Variants in PPARGC1A observed in about 807,000 individuals in gnomAD.
The protein encoded by PPARGC1A is peroxisome proliferator-activated receptor gamma coactivator 1-alpha.
PPARGC1A carries 25 observed loss-of-function variants against 88.7 expected under a neutral mutation model. The observed-to-expected ratio is 0.28, with a 90% CI of 0.21 to 0.39. PPARGC1A has a LOEUF of 0.39. Among genes scored for constraint, PPARGC1A ranks in the 10% least tolerant of loss-of-function variants. The pLI, the probability that PPARGC1A is intolerant of heterozygous loss-of-function variation, is 1.00. For synonymous variants in PPARGC1A, 363 were observed against 355.6 expected (o/e 1.02, Z -0.24); for missense variants, 880 against 968.7 (o/e 0.91, Z 1.22).
the PPARGC1A span, among the ~76,000 whole-genome samples, chr4:24,130,470 T>C: frequency 6.6e-6 from 1 of 152,210 alleles, no homozygotes. Context: ...CATCTGAGCC[T>C]TACAATGATA....
At chr4:24,207,033 C>T in the PPARGC1A span, among the ~76,000 whole-genome samples, 5 of 151,884 alleles carry the variant, frequency 3.3e-5, no homozygotes, top group South Asian at 1.0e-3. Flanking sequence ...ATGTCCTTCC[C>T]TAGATGCAAT....
chr4:23,974,299 T>A, the PPARGC1A span, among the ~76,000 whole-genome samples: 1 of 152,130 alleles, frequency 6.6e-6, no homozygotes, highest in South Asian at 2.1e-4. Flanking sequence ...TCCAAAATAA[T>A]ACCAATAAGA....
At chr4:23,889,044 C>G (rs574086251) in intron 1 of PPARGC1A, 503 of 985,394 alleles carry the variant, frequency 5.1e-4, no homozygotes, top group Middle Eastern at 4.2e-3. Flanking sequence ...TCCGTCCCCC[C>G]ACTAGACTCC....
At chr4:24,001,236 A>G in the PPARGC1A span, among the ~76,000 whole-genome samples, 1 of 152,128 alleles carries the variant, frequency 6.6e-6, no homozygotes, top group Admixed American at 6.5e-5. Context: ...TGTTTTAATG[A>G]TTTTCTTTGT....
the PPARGC1A span, among the ~76,000 whole-genome samples, chr4:24,387,934 G>GAAAGAAAGAAAGAGAA: frequency 2.8e-5 from 2 of 71,458 alleles, no homozygotes. Context: ...AAGAAAGAAA[G>GAAAGAAAGAAAGAGAA]AGAAAGAAAG....
At chr4:23,925,635 G>A in the PPARGC1A span, among the ~76,000 whole-genome samples, 6 of 152,270 alleles carry the variant, frequency 3.9e-5, no homozygotes, top group East Asian at 1.2e-3. Context: ...CAGTTAAAAA[G>A]AAGAATTGAC....
the PPARGC1A span, among the ~76,000 whole-genome samples, chr4:24,233,608 AC>A: frequency 6.6e-6 from 1 of 151,820 alleles, no homozygotes; most frequent in Admixed American, 6.6e-5. Context: ...ACACACACAC[AC>A]ACACACACAC....
At chr4:23,816,463 C>T (rs978057677) in intron 7 of PPARGC1A, among the ~76,000 whole-genome samples, 6 of 152,100 alleles carry the variant, frequency 3.9e-5, no homozygotes, top group South Asian at 2.1e-4. Flanking sequence ...GCTTTATTTA[C>T]GAATTGCACT....
the PPARGC1A span, among the ~76,000 whole-genome samples, chr4:24,373,023 T>C: frequency 6.6e-6 from 1 of 152,186 alleles, no homozygotes; most frequent in Non-Finnish European, 1.5e-5. Context: ...CTCCCTGCCA[T>C]GAGCATCGTC....
At chr4:24,343,469 G>A in the PPARGC1A span, among the ~76,000 whole-genome samples, 2 of 152,098 alleles carry the variant, frequency 1.3e-5, no homozygotes, top group Non-Finnish European at 2.9e-5. Flanking sequence ...CAGCAACAAG[G>A]CATCATTTTG....
the PPARGC1A span, among the ~76,000 whole-genome samples, chr4:24,072,734 C>T: frequency 1.3e-5 from 2 of 152,132 alleles, no homozygotes; most frequent in Admixed American, 1.3e-4. Flanking sequence ...AACATTTCCT[C>T]AAACTGAAAG....
the PPARGC1A span, among the ~76,000 whole-genome samples, chr4:24,117,525 G>C: frequency 1.3e-5 from 2 of 151,354 alleles, no homozygotes; most frequent in South Asian, 4.2e-4. Flanking sequence ...TGAAAGTTCA[G>C]CATTTGCAGT....
chr4:24,313,155 G>C, the PPARGC1A span, among the ~76,000 whole-genome samples: 24 of 152,152 alleles, frequency 1.6e-4, no homozygotes, highest in Non-Finnish European at 3.2e-4. Context: ...CTGCTGCAAA[G>C]GGATCAGTGA....
chr4:24,023,894 T>C, the PPARGC1A span, among the ~76,000 whole-genome samples: 1 of 152,214 alleles, frequency 6.6e-6, no homozygotes, highest in Non-Finnish European at 1.5e-5. Flanking sequence ...AATTGATAGC[T>C]GAGATTGTTC....
At chr4:23,809,234 T>C (rs1345174136) in intron 10 of PPARGC1A, among the ~76,000 whole-genome samples, 1 of 152,254 alleles carries the variant, frequency 6.6e-6, no homozygotes, top group East Asian at 1.9e-4. Context: ...CTCAAGTCCA[T>C]AAAAATATAC....
chr4:24,186,434 G>A, the PPARGC1A span, among the ~76,000 whole-genome samples: 1 of 152,058 alleles, frequency 6.6e-6, no homozygotes, highest in Admixed American at 6.6e-5. Context: ...GACCACCTGG[G>A]TTCAAATCCA....
At chr4:24,425,102 G>C in the PPARGC1A span, among the ~76,000 whole-genome samples, 2 of 152,130 alleles carry the variant, frequency 1.3e-5, no homozygotes, top group Admixed American at 6.5e-5. Flanking sequence ...GAGTATAAAA[G>C]AGATCATCCA....
the PPARGC1A span, among the ~76,000 whole-genome samples, chr4:23,949,468 G>C: frequency 2.0e-5 from 3 of 152,160 alleles, no homozygotes; most frequent in Non-Finnish European, 4.4e-5. Context: ...ACTTGTGCCA[G>C]TTAATTAGCA....
chr4:24,354,882 CA>C, the PPARGC1A span, among the ~76,000 whole-genome samples: 3 of 133,714 alleles, frequency 2.2e-5, no homozygotes, highest in South Asian at 4.9e-4. Context: ...GCAAGACTGT[CA>C]AAAAAAACAA....
Sources: gnomAD v4.1 joint callset for allele counts (sites outside exome capture counted in the v4.1 genomes callset) on GRCh38, gnomAD v4.1.1 for gene constraint, MANE v1.5 for transcripts, NCBI Gene and HGNC (gene_info 2026-07-23, HGNC 2026-07-21) for gene names.